The following IQSEC1 variants were observed in gnomAD, a reference collection of about 807,000 sequenced individuals.
The protein encoded by IQSEC1 is IQ motif and Sec7 domain ArfGEF 1, also known as IQ motif and SEC7 domain-containing protein 1.
In IQSEC1, 31 loss-of-function variants were observed where a neutral mutation model predicts 91.0. The ratio of observed to expected loss-of-function variants is 0.34; its 90% confidence interval spans 0.26 to 0.46. The LOEUF (loss-of-function observed/expected upper bound fraction) is 0.46. Among genes scored for constraint, IQSEC1 ranks in the 20% least tolerant of loss-of-function variants. The probability of loss-of-function intolerance (pLI) is 1.00; values close to 1 mark genes in which losing one functional copy is unlikely to be tolerated. For missense variants in IQSEC1, 1,388 were observed against 1,575.6 expected (o/e 0.88, Z 2.02); for synonymous variants, 699 against 662.6 (o/e 1.05, Z -0.84).
chr3:13,163,996 G>C (rs1363808378), intron 2 of IQSEC1, among the ~76,000 whole-genome samples: 1 of 152,218 alleles, frequency 6.6e-6, no homozygotes, highest in Non-Finnish European at 1.5e-5. Flanking sequence ...CAGGGGAGGA[G>C]AGGTCTGACC....
intron 1 of IQSEC1, among the ~76,000 whole-genome samples, chr3:13,006,038 T>C (rs959938747): frequency 2.6e-5 from 4 of 152,200 alleles, no homozygotes; most frequent in Non-Finnish European, 4.4e-5. Flanking sequence ...TATAATGACT[T>C]TAGAGCTTAC....
upstream of IQSEC1, among the ~76,000 whole-genome samples, chr3:13,075,020 C>T (rs1416198995): frequency 6.6e-6 from 1 of 152,196 alleles, no homozygotes; most frequent in Non-Finnish European, 1.5e-5. Context: ...TCGAACAGAA[C>T]TGCATGACGC....
intron 3 of IQSEC1, among the ~76,000 whole-genome samples, chr3:12,931,508 G>A (rs1197895871): frequency 6.6e-6 from 1 of 152,206 alleles, no homozygotes; most frequent in Admixed American, 6.5e-5. Context: ...ATGGGGCCTG[G>A]CGCTTGGTCC....
chr3:13,086,804 G>A (rs528473807), intron 2 of IQSEC1, among the ~76,000 whole-genome samples: 1 of 152,184 alleles, frequency 6.6e-6, no homozygotes, highest in Non-Finnish European at 1.5e-5. Flanking sequence ...CCCAGGCACT[G>A]TCTCCTCACC....
chr3:13,138,033 G>T (rs1325006084), intron 2 of IQSEC1, among the ~76,000 whole-genome samples: 3 of 152,190 alleles, frequency 2.0e-5, no homozygotes, highest in Non-Finnish European at 4.4e-5. Context: ...GGCCAGAGAC[G>T]CAGGCAGAGA....
intron 1 of IQSEC1, among the ~76,000 whole-genome samples, chr3:13,171,112 A>AAAAAC (rs1553571277): frequency 1.8e-4 from 27 of 151,260 alleles, no homozygotes; most frequent in African/African-American, 6.4e-4. Context: ...AAAAACAAAA[A>AAAAAC]AAACAAAAAA....
Position 13,187,794 on chromosome 3 carries a change from G to A in IQSEC1, c.273-23661C>T, listed in dbSNP as rs548384224. 1.4e-4 allele frequency among the ~76,000 whole-genome samples: 22 copies of A among 152,294 alleles called. No individual in the cohort carries two copies. The Middle Eastern group carries it at 0.01, about 71-fold the overall frequency. Reference sequence around the variant, plus strand: ...CTGGGAAGTCCAAGATCAAGGTGCCGCAGGCTCGGTGTCTGCTGAGGACCC... The same window carrying A: ...CTGGGAAGTCCAAGATCAAGGTGCCACAGGCTCGGTGTCTGCTGAGGACCC... On this transcript the variant is annotated intron_variant, in intron 1 of 15. Coordinates refer to the IQSEC1 transcript ENST00000648114.
rs566413930 is a variant in IQSEC1, at chr3:12,968,729, C to G, written c.24-26864G>C. Among the ~76,000 whole-genome samples the G allele has an allele frequency of 5.1e-4, 77 of 152,348 alleles. No individual in the cohort carries two copies. The Middle Eastern group carries it at 0.014, about 27-fold the overall frequency. ...CTAGACGTGGTTGGGAGACAGCAAG[C>G]AGATATGGAACAATCAAAACCCCAC... is the stretch of plus-strand genomic sequence containing the variant. On this transcript the variant is annotated intron_variant, in intron 1 of 13. Transcript: ENST00000613206.
intron 1 of IQSEC1, among the ~76,000 whole-genome samples, chr3:13,252,194 T>C (rs1256794153): frequency 1.3e-5 from 2 of 152,098 alleles, no homozygotes; most frequent in African/African-American, 4.8e-5. Context: ...AAACACGAAC[T>C]CACCAATCCC....
chr3:12,908,564 C>T lies in IQSEC1; in HGVS notation c.2579-39G>A, dbSNP rs1695239861. The T allele has an allele frequency of 1.2e-6, 2 of 1,610,122 alleles. No individual in the cohort carries two copies. Among genetic ancestry groups the T allele is most frequent in the East Asian group, 2.2e-5 (1 of 44,852 alleles). The stretch of plus-strand genomic sequence containing the variant: ...GGTGAGGGTCCTGGTGAGAGGAGCA[C>T]AGCCTAGAGTGGGCAGGAGACGGGG... On this transcript the variant is annotated intron_variant, in intron 11 of 13. Transcript: ENST00000613206. The surrounding 1 kb of genome is among the most constrained non-coding windows in gnomAD (Gnocchi z 4.9).
chr3:12,929,640 C>T (rs551610047), intron 3 of IQSEC1, among the ~76,000 whole-genome samples: 16 of 152,334 alleles, frequency 1.1e-4, no homozygotes, highest in African/African-American at 3.8e-4. Flanking sequence ...AAATCCACTC[C>T]GTCCAACTCT....
At chr3:13,170,378 C>T (rs890232249) in intron 1 of IQSEC1, among the ~76,000 whole-genome samples, 2 of 152,258 alleles carry the variant, frequency 1.3e-5, no homozygotes, top group African/African-American at 4.8e-5. Flanking sequence ...CATGCAGAAC[C>T]TCTGCTTAGG....
At chr3:13,066,994 C>T (rs918515445) in intron 1 of IQSEC1, among the ~76,000 whole-genome samples, 5 of 152,244 alleles carry the variant, frequency 3.3e-5, no homozygotes, top group African/African-American at 1.2e-4. Flanking sequence ...CACTCCCAGT[C>T]CCCTGTGTGT....
At chr3:13,061,820 T>C (rs967275649) in intron 1 of IQSEC1, among the ~76,000 whole-genome samples, 2 of 152,070 alleles carry the variant, frequency 1.3e-5, no homozygotes, top group Non-Finnish European at 2.9e-5. Flanking sequence ...CACACACATT[T>C]GAATTCCCCT....
chr3:12,963,981 C>T (rs764908030), intron 1 of IQSEC1, among the ~76,000 whole-genome samples: 12 of 152,352 alleles, frequency 7.9e-5, no homozygotes, highest in African/African-American at 2.9e-4. Flanking sequence ...TGGCTATGTC[C>T]GCCATGAGGC....
chr3:13,199,609 CCTTCAGTGTA>C (rs1236157069), intron 1 of IQSEC1, among the ~76,000 whole-genome samples: 2 of 152,182 alleles, frequency 1.3e-5, no homozygotes, highest in African/African-American at 4.8e-5. Context: ...CCGCGACCCT[CCTTCAGTGTA>C]CTTTTCAGGT....
At chr3:13,224,256 C>G (rs1194336216) in intron 1 of IQSEC1, among the ~76,000 whole-genome samples, 15 of 152,088 alleles carry the variant, frequency 9.9e-5, no homozygotes, top group Admixed American at 9.8e-4. Flanking sequence ...AGGGAGAAGA[C>G]AGAGGTCCTG....
intron 1 of IQSEC1, among the ~76,000 whole-genome samples, chr3:12,987,324 T>C (rs1264532726): frequency 2.0e-5 from 3 of 152,346 alleles, no homozygotes; most frequent in East Asian, 3.9e-4. Context: ...GTATGGTACG[T>C]GCTGGGGGCA....
At chr3:12,977,629 G>A (rs879809948) in intron 1 of IQSEC1, among the ~76,000 whole-genome samples, 1 of 152,212 alleles carries the variant, frequency 6.6e-6, no homozygotes, top group Non-Finnish European at 1.5e-5. Context: ...CTTTTATGTA[G>A]TGAGTTCACA....
Sources: gnomAD v4.1 joint callset for allele counts (sites outside exome capture counted in the v4.1 genomes callset) on GRCh38, gnomAD v4.1.1 for gene constraint, Gnocchi (gnomAD v3.1) non-coding constraint, MANE v1.5 for transcripts, NCBI Gene and HGNC (gene_info 2026-07-23, HGNC 2026-07-21) for gene names.